The following FHIT variants were observed in gnomAD, a reference collection of about 807,000 sequenced individuals.
FHIT encodes fragile histidine triad diadenosine triphosphatase.
Under a neutral mutation model 17.9 loss-of-function variants are expected in FHIT, and 19 were observed. The ratio of observed to expected loss-of-function variants is 1.06; its 90% CI spans 0.74 to 1.56. FHIT has a LOEUF of 1.56. Ranked by LOEUF, FHIT falls within the 40% of genes most tolerant of loss-of-function variation. FHIT has a pLI of 0.00. For missense variants in FHIT, 248 were observed against 189.2 expected (o/e 1.31, Z -1.82); for synonymous variants, 81 against 69.7 (o/e 1.16, Z -0.81).
intron 2 of FHIT, among the ~76,000 whole-genome samples, chr3:61,066,619 A>C (rs193174119): frequency 1.1e-4 from 16 of 152,326 alleles, no homozygotes; most frequent in Admixed American, 5.9e-4. Context: ...CTGTCTCAAA[A>C]AAACAAAAAC....
intron 2 of FHIT, among the ~76,000 whole-genome samples, chr3:61,101,867 G>C (rs1206720704): frequency 6.6e-6 from 1 of 152,064 alleles, no homozygotes; most frequent in Admixed American, 6.6e-5. Flanking sequence ...TCTGATAATG[G>C]TGTGTAGGAA....
At chr3:60,449,392 C>T (rs1396997907) in intron 5 of FHIT, among the ~76,000 whole-genome samples, 2 of 151,570 alleles carry the variant, frequency 1.3e-5, no homozygotes, top group Non-Finnish European at 2.9e-5. Context: ...AGTGAAAGCA[C>T]TTAGAAGTTA....
intron 5 of FHIT, among the ~76,000 whole-genome samples, chr3:60,262,774 C>T (rs114997268): frequency 1.5e-3 from 234 of 151,680 alleles, no homozygotes; most frequent in African/African-American, 5.4e-3. Context: ...GAATCTCTTA[C>T]CTAAAGAGTT....
intron 5 of FHIT, among the ~76,000 whole-genome samples, chr3:60,031,782 G>C (rs944428978): frequency 1.3e-5 from 2 of 151,882 alleles, no homozygotes; most frequent in African/African-American, 4.8e-5. Context: ...CTTAGCAGAG[G>C]GTGCATGGAT....
At chr3:60,494,360 A>G (rs537533636) in intron 5 of FHIT, among the ~76,000 whole-genome samples, 66 of 152,312 alleles carry the variant, frequency 4.3e-4, no homozygotes, top group African/African-American at 1.5e-3. Context: ...ATAGTTGTAT[A>G]TATTTATGGG....
At chr3:60,871,698 A>T (rs898932259) in intron 3 of FHIT, among the ~76,000 whole-genome samples, 3 of 152,132 alleles carry the variant, frequency 2.0e-5, no homozygotes, top group Non-Finnish European at 4.4e-5. Context: ...CAATGGCACA[A>T]TCATGGCTCA....
intron 4 of FHIT, among the ~76,000 whole-genome samples, chr3:60,760,753 A>C (rs557905945): frequency 6.6e-6 from 1 of 152,274 alleles, no homozygotes; most frequent in African/African-American, 2.4e-5. Context: ...GAAATTCCAA[A>C]TGTTGCATTT....
At chr3:59,960,751 CT>C (rs1707635950) in intron 7 of FHIT, among the ~76,000 whole-genome samples, 1 of 152,288 alleles carries the variant, frequency 6.6e-6, no homozygotes, top group East Asian at 1.9e-4. Context: ...TCAATAAAAG[CT>C]TCTATTTTTA....
intron 3 of FHIT, among the ~76,000 whole-genome samples, chr3:60,848,111 C>G (rs190330209): frequency 1.7e-4 from 26 of 152,248 alleles, no homozygotes; most frequent in Admixed American, 7.8e-4. Context: ...GTCTTCAGTT[C>G]CCCTTTGGCA....
intron 5 of FHIT, among the ~76,000 whole-genome samples, chr3:60,271,428 C>T (rs541382663): frequency 5.3e-5 from 8 of 152,102 alleles, no homozygotes; most frequent in East Asian, 3.9e-4. Context: ...ATAAAATAAA[C>T]GCCCATTAGC....
At chr3:60,330,867 C>T (rs574285372) in intron 5 of FHIT, among the ~76,000 whole-genome samples, 1 of 152,248 alleles carries the variant, frequency 6.6e-6, no homozygotes, top group African/African-American at 2.4e-5. Flanking sequence ...GTCATGAGTG[C>T]CTTGGAAAAC....
chr3:59,996,135 G>C (rs1486399171), intron 7 of FHIT, among the ~76,000 whole-genome samples: 1 of 152,124 alleles, frequency 6.6e-6, no homozygotes, highest in East Asian at 1.9e-4. Flanking sequence ...GCACTAAGCA[G>C]AGACCTCCCC....
chr3:60,821,385 C>T (rs1040016545), intron 4 of FHIT, among the ~76,000 whole-genome samples: 1 of 152,118 alleles, frequency 6.6e-6, no homozygotes. Context: ...ACTGTCTGTC[C>T]CAGCATATGC....
chr3:60,843,857 G>T (rs1702827651), intron 3 of FHIT, among the ~76,000 whole-genome samples: 1 of 152,082 alleles, frequency 6.6e-6, no homozygotes, highest in African/African-American at 2.4e-5. Flanking sequence ...TGGGCTCTGG[G>T]TAGAGTATAT....
chr3:59,925,095 T>C (rs1278087902), intron 7 of FHIT, among the ~76,000 whole-genome samples: 2 of 151,926 alleles, frequency 1.3e-5, no homozygotes, highest in South Asian at 2.1e-4. Flanking sequence ...CCTATTTTTT[T>C]CCCTTCCTTT....
intron 5 of FHIT, among the ~76,000 whole-genome samples, chr3:60,160,160 CTGTG>C (rs1350457989): frequency 2.0e-5 from 3 of 151,390 alleles, no homozygotes; most frequent in Admixed American, 6.6e-5. Flanking sequence ...GTCTGTGTGT[CTGTG>C]TGTGTATGTT....
Position 60,653,720 on chromosome 3 carries a change from T to C in FHIT, c.-17-116741A>G, listed in dbSNP as rs551888800. On this transcript the variant is annotated intron_variant, in intron 4 of 9. Transcript: ENST00000492590. ...ATAAGAATCAGAGTAGCATCAGACTTAGCAGCAGCAGGATTGCATACTAAA... is the reference window on the plus strand; with the variant it reads ...ATAAGAATCAGAGTAGCATCAGACTCAGCAGCAGCAGGATTGCATACTAAA... Among the ~76,000 whole-genome samples, 28 of 151,840 alleles carry C rather than the reference T, an allele frequency of 1.8e-4. No homozygotes were observed. In the South Asian group the frequency reaches 4.6e-3, roughly 25 times the overall value.
At chr3:60,701,807 G>A (rs143920927) in intron 4 of FHIT, among the ~76,000 whole-genome samples, 5,864 of 152,260 alleles carry the variant, frequency 0.039, 150 homozygotes, top group East Asian at 0.098. Context: ...CCCCAGACAG[G>A]AAGGGGGTTT....
intron 7 of FHIT, among the ~76,000 whole-genome samples, chr3:59,985,780 C>G (rs1575819964): frequency 6.6e-6 from 1 of 152,154 alleles, no homozygotes. Context: ...GATCACCTCT[C>G]ACTTTCACAC....
Sources: gnomAD v4.1 joint callset for allele counts (sites outside exome capture counted in the v4.1 genomes callset) on GRCh38, gnomAD v4.1.1 for gene constraint, MANE v1.5 for transcripts, NCBI Gene and HGNC (gene_info 2026-07-23, HGNC 2026-07-21) for gene names.